TRPM1: variants seen among roughly 807,000 people sequenced by gnomAD.
TRPM1 encodes TRPM1-203 APA Isoform, Intron 10.
In TRPM1, 113 loss-of-function variants were observed where a neutral mutation model predicts 149.4. That is an observed-to-expected ratio of 0.76 (90% CI 0.65 to 0.88). TRPM1 has a LOEUF of 0.88. Among genes scored for constraint, TRPM1 ranks in the 40% least tolerant of loss-of-function variants. The pLI, the probability that TRPM1 is intolerant of heterozygous loss-of-function variation, is 0.00. For missense variants in TRPM1, 1,976 were observed against 2,038.7 expected (o/e 0.97, Z 0.59); for synonymous variants, 741 against 759.5 (o/e 0.98, Z 0.40).
chr15:31,001,738 G>A lies in TRPM1; in HGVS notation c.*84C>T. 6.9e-7 allele frequency: 1 copy of A among 1,457,430 alleles called. No homozygotes were observed. Among genetic ancestry groups the A allele is most frequent in the South Asian group, 1.3e-5 (1 of 79,402 alleles). 90.3% of individuals were successfully genotyped at this position (1,457,430 alleles called of 1,614,324 possible). A position where few individuals can be genotyped will look rare whatever the true frequency, so the allele number is the denominator to read the frequency against. ...AAATTTTTTAAGGAAAATGTTTTTAGAAATTGATGATGTTTAGATGGCCAA... is the reference window on the plus strand; with the variant it reads ...AAATTTTTTAAGGAAAATGTTTTTAAAAATTGATGATGTTTAGATGGCCAA... On this transcript the variant is annotated 3_prime_UTR_variant, in exon 28 of 28. Transcript: ENST00000256552.
intron 25 of TRPM1, 35 bp from the exon 26 acceptor site, chr15:31,027,152 T>C (rs775465727): frequency 8.8e-6 from 14 of 1,593,190 alleles, no homozygotes; most frequent in African/African-American, 4.0e-5. Flanking sequence ...GTTAGTTATA[T>C]TACTTTTTAT....
Position 31,067,200 on chromosome 15 carries a change from A to G in TRPM1, c.494-13T>C. 3.1e-6 allele frequency: 5 copies of G among 1,614,128 alleles called. No homozygotes were observed. Among genetic ancestry groups the G allele is most frequent in the Non-Finnish European group, 4.2e-6 (5 of 1,180,002 alleles). On this transcript the variant is annotated splice_polypyrimidine_tract_variant and intron_variant, in intron 5 of 27. Coordinates refer to ENST00000256552, the MANE Select transcript of TRPM1 (RefSeq NM_001252024.2). ...TGGCTGATAACACCTGTGAGCAGCCATTGGTCATATTTTAGGCTCTTTTAC... is the reference window on the plus strand; with the variant it reads ...TGGCTGATAACACCTGTGAGCAGCCGTTGGTCATATTTTAGGCTCTTTTAC...
chr15:31,054,359 A>G (rs1339374978), intron 11 of TRPM1, among the ~76,000 whole-genome samples: 1 of 151,730 alleles, frequency 6.6e-6, no homozygotes, highest in African/African-American at 2.4e-5. Context: ...CAGTGGCATG[A>G]TCTCAGCTCA....
rs188018138 is a variant in TRPM1 at position 31,124,613 on chromosome 15, C to A, written c.54+36293G>T. On this transcript the variant is annotated intron_variant, in intron 1 of 26. Coordinates refer to the TRPM1 transcript ENST00000542188. ...AGGTTGCAGTGACCCAAGATCGCAC[C>A]ATCGTACTCCAGCCTGGATGACAGA... Among the ~76,000 whole-genome samples, 521 of 146,684 alleles carry A rather than the reference C, an allele frequency of 3.6e-3. 4 individuals carry two copies. Among genetic ancestry groups the A allele is most frequent in the Middle Eastern group, 0.035 (10 of 284 alleles).
intron 1 of TRPM1, among the ~76,000 whole-genome samples, chr15:31,113,620 G>C (rs1259117745): frequency 6.6e-6 from 1 of 152,076 alleles, no homozygotes; most frequent in African/African-American, 2.4e-5. Context: ...TTGTGTCATA[G>C]CACTTTACTG....
chr15:31,002,286 C>A lies in TRPM1; in HGVS notation c.4414G>T (p.Gly1472Cys). ...TACTCTACATCCTGGTTAACCCCAC[C>A]GACCAGCTTTCTTCCCCGGGAATAG... ...FVYSRGRKLV[G>C]GVNQDVEYSS... is the part of the protein sequence containing the mutation. The change falls in exon 28 of 28, where the codon GGT (glycine) becomes TGT (cysteine). Residue 1472 changes from glycine (G) to cysteine (C), a missense_variant. Gly to Cys is a radical substitution (Grantham distance 159). This residue lies in a region of TRPM1 where 572 missense variants were observed against 578.9 expected (regional missense o/e 0.99). Transcript: ENST00000256552. 6.2e-7 allele frequency: 1 copy of A among 1,614,204 alleles called. No homozygotes were observed. The highest frequency in any genetic ancestry group is 1.1e-5 in the South Asian group (1 of 91,084).
chr15:31,111,813 C>T (rs533194264), intron 1 of TRPM1, among the ~76,000 whole-genome samples: 1 of 152,266 alleles, frequency 6.6e-6, no homozygotes, highest in Admixed American at 6.5e-5. Flanking sequence ...AGTGTCATGT[C>T]CTTAAGTAAT....
intron 22 of TRPM1, 35 bp downstream of exon 22, chr15:31,032,654 G>A (rs1416075428): frequency 1.9e-6 from 3 of 1,613,898 alleles, no homozygotes; most frequent in Non-Finnish European, 2.5e-6. Flanking sequence ...TACAGCCAAA[G>A]TCTCTCTGGA....
intron 15 of TRPM1, among the ~76,000 whole-genome samples, 163 bp downstream of exon 15, chr15:31,046,948 A>T (rs11636121): frequency 6.6e-6 from 1 of 152,038 alleles, no homozygotes; most frequent in East Asian, 1.9e-4. Context: ...GGGGAGCTGG[A>T]GAATGCCGTG....
At chr15:31,073,677 T>C (rs1389829353) in intron 3 of TRPM1, among the ~76,000 whole-genome samples, 2 of 152,120 alleles carry the variant, frequency 1.3e-5, no homozygotes, top group Admixed American at 1.3e-4. Flanking sequence ...CTCTTTCCAA[T>C]CTCAATATTT....
chr15:31,034,368 C>T (rs1442055687), intron 21 of TRPM1, among the ~76,000 whole-genome samples: 3 of 152,210 alleles, frequency 2.0e-5, no homozygotes, highest in African/African-American at 7.2e-5. Context: ...CTCCCATATC[C>T]CCTGGAGCTT....
chr15:31,083,696 G>A (rs1391798306), intron 1 of TRPM1, among the ~76,000 whole-genome samples: 3 of 152,120 alleles, frequency 2.0e-5, no homozygotes, highest in African/African-American at 7.2e-5. Flanking sequence ...GGAGGTCCTG[G>A]CCTGGGTCCA....
chr15:31,002,749 T>C lies in TRPM1; in HGVS notation c.3951A>G (p.Thr1317=). The part of the protein sequence containing the change: ...EDTSLSTSPG[T]GVRKKTCSFR... ...AGGAACAGGTTTTTTTCCTGACTCC[T>C]GTCCCTGGTGACGTGGAGAGAGATG... The change falls in exon 28 of 28, where the codon ACA becomes ACG. Residue 1317 remains threonine (T), a synonymous_variant. Coordinates refer to ENST00000256552, the MANE Select transcript of TRPM1 (RefSeq NM_001252024.2). The C allele has an allele frequency of 6.2e-7, 1 of 1,614,228 alleles. No homozygotes were observed. The highest frequency in any genetic ancestry group is 8.5e-7 in the Non-Finnish European group (1 of 1,180,036).
intron 1 of TRPM1, among the ~76,000 whole-genome samples, chr15:31,084,784 C>T (rs1281495906): frequency 8.6e-5 from 13 of 151,010 alleles, no homozygotes; most frequent in South Asian, 2.1e-4. Context: ...AGTGATTCCC[C>T]GCCTCAGCCT....
intron 1 of TRPM1, among the ~76,000 whole-genome samples, chr15:31,083,816 G>C (rs2034925850): frequency 6.6e-6 from 1 of 152,136 alleles, no homozygotes; most frequent in African/African-American, 2.4e-5. Flanking sequence ...CAGGTAGGAG[G>C]GCCCAGCTGA....
At chr15:31,059,426 G>GTTTT (rs2034166935) in intron 11 of TRPM1, among the ~76,000 whole-genome samples, 1 of 152,154 alleles carries the variant, frequency 6.6e-6, no homozygotes, top group Non-Finnish European at 1.5e-5. Context: ...ATGTTTTAGA[G>GTTTT]ATGGGATCTC....
At chr15:31,089,459 T>G (rs1454026674) in intron 1 of TRPM1, among the ~76,000 whole-genome samples, 2 of 152,230 alleles carry the variant, frequency 1.3e-5, no homozygotes, top group Non-Finnish European at 2.9e-5. Flanking sequence ...GACCATGGCC[T>G]GCTGACCTTA....
chr15:31,040,698 A>C lies in TRPM1; in HGVS notation c.2088-352T>G, dbSNP rs2033586919. On this transcript the variant is annotated intron_variant, in intron 17 of 27. Coordinates refer to ENST00000256552, the MANE Select transcript of TRPM1 (RefSeq NM_001252024.2). The surrounding 1 kb of genome is among the most constrained non-coding windows in gnomAD (Gnocchi z 4.2). The stretch of plus-strand genomic sequence containing the variant: ...GGAGGCAGATAGAAAAGACAGCAAA[A>C]GTGACTTCAAATGCAGCACCTGTGG... Among the ~76,000 whole-genome samples, 1 of 152,162 alleles carries C rather than the reference A, an allele frequency of 6.6e-6. No individual in the cohort carries two copies. Among genetic ancestry groups the C allele is most frequent in the Admixed American group, 6.5e-5 (1 of 15,280 alleles).
At position 31,042,233 on chromosome 15, in the gene TRPM1, G is replaced by T; in HGVS notation, c.1805C>A (p.Pro602His). ...TTTCTTTTTCTTCCCTTTAGCTGGA[G>T]GCTCATCATCCTGAGGGGAGAAACA... is the stretch of plus-strand genomic sequence containing the variant. ...LKLLGMEDDE[P>H]PAKGKKKKKK... Residue 602 changes from proline to histidine, a missense_variant, in exon 17 of 28, where the codon CCT becomes CAT. Physicochemically the swap from Pro to His is moderately conservative, Grantham distance 77 (BLOSUM62 -2). Coordinates refer to ENST00000256552, the MANE Select transcript of TRPM1 (RefSeq NM_001252024.2). 6.3e-7 allele frequency: 1 copy of T among 1,578,002 alleles called. No homozygotes were observed. Among genetic ancestry groups the T allele is most frequent in the African/African-American group, 1.4e-5 (1 of 73,868 alleles).
Sources: gnomAD v4.1 joint callset for allele counts (sites outside exome capture counted in the v4.1 genomes callset) on GRCh38, gnomAD v4.1.1 for gene constraint, gnomAD v4.1.1 regional missense constraint, Gnocchi (gnomAD v3.1) non-coding constraint, MANE v1.5 for transcripts, NCBI Gene and HGNC (gene_info 2026-07-23, HGNC 2026-07-21) for gene names.